ARHGAP6: variants seen among roughly 807,000 people sequenced by gnomAD.
ARHGAP6 encodes the protein rho GTPase-activating protein 6.
In ARHGAP6, 16 loss-of-function variants were observed where a neutral mutation model predicts 55.7. That is an observed-to-expected ratio of 0.29 (90% CI 0.19 to 0.44). The LOEUF is 0.44. Ranked by LOEUF, ARHGAP6 falls within the 20% of genes least tolerant of loss-of-function variation. ARHGAP6 has a pLI of 1.00. For synonymous variants in ARHGAP6, 382 were observed against 360.9 expected (o/e 1.06, Z -0.66); for missense variants, 698 against 808.9 (o/e 0.86, Z 1.66).
intron 1 of ARHGAP6, among the ~76,000 whole-genome samples, chrX:11,269,248 C>T (rs2047665563): frequency 9.0e-6 from 1 of 111,662 alleles, no homozygotes; most frequent in African/African-American, 3.3e-5. Context: ...TCCTCCTATA[C>T]TTCTCCCCAC....
chrX:11,141,605 C>A (rs2045619080), intron 12 of ARHGAP6, among the ~76,000 whole-genome samples: 2 of 111,737 alleles, frequency 1.8e-5, no homozygotes, highest in Non-Finnish European at 3.8e-5. Flanking sequence ...AAGTGAAAAC[C>A]CACTAACTTG....
At chrX:11,294,394 C>T (rs1032935328) in intron 1 of ARHGAP6, among the ~76,000 whole-genome samples, 7 of 112,335 alleles carry the variant, frequency 6.2e-5, no homozygotes, top group Non-Finnish European at 1.1e-4. Flanking sequence ...AAATACTGTG[C>T]ACTTTGATGA....
chrX:11,419,133 G>A (rs2049789690), intron 1 of ARHGAP6, among the ~76,000 whole-genome samples: 1 of 111,776 alleles, frequency 8.9e-6, no homozygotes, highest in Non-Finnish European at 1.9e-5. Flanking sequence ...TGGACACATT[G>A]CCAGGGTCCC....
intron 2 of ARHGAP6, among the ~76,000 whole-genome samples, chrX:11,243,179 T>C (rs1247177242): frequency 8.9e-6 from 1 of 111,908 alleles, no homozygotes; most frequent in Non-Finnish European, 1.9e-5. Flanking sequence ...AAGATGACAA[T>C]GTTCTTCCGT....
intron 1 of ARHGAP6, among the ~76,000 whole-genome samples, chrX:11,486,757 G>A (rs138874698): frequency 3.6e-5 from 4 of 111,909 alleles, no homozygotes; most frequent in African/African-American, 1.3e-4. Context: ...CCACACAGGG[G>A]AATGATGATG....
chrX:11,601,578 C>A (rs1038304246), intron 1 of ARHGAP6, among the ~76,000 whole-genome samples: 1 of 112,016 alleles, frequency 8.9e-6, no homozygotes, highest in African/African-American at 3.2e-5. Context: ...CAAATAAAAG[C>A]ATGCTATGGA....
chrX:11,570,648 G>T (rs7472994), intron 1 of ARHGAP6, among the ~76,000 whole-genome samples: 23,963 of 110,591 alleles, frequency 0.22, 1,993 homozygotes, highest in Middle Eastern at 0.35. Context: ...TCTTAGACTT[G>T]ATCCAGATCT....
At chrX:11,323,244 G>A (rs185699696) in intron 1 of ARHGAP6, among the ~76,000 whole-genome samples, 3 of 112,249 alleles carry the variant, frequency 2.7e-5, no homozygotes, top group South Asian at 3.7e-4. Context: ...AGTATGAGGG[G>A]ACTTCAAAAA....
At chrX:11,395,047 T>C (rs1305069587) in intron 1 of ARHGAP6, among the ~76,000 whole-genome samples, 5 of 112,345 alleles carry the variant, frequency 4.5e-5, no homozygotes, top group Non-Finnish European at 9.4e-5. Flanking sequence ...ATCAAACTAG[T>C]TGTCACAAAA....
At chrX:11,212,122 ATAT>A in intron 2 of ARHGAP6, among the ~76,000 whole-genome samples, 1 of 111,645 alleles carries the variant, frequency 9.0e-6, no homozygotes, top group East Asian at 2.8e-4. Context: ...CCGTTTTACT[ATAT>A]TATTAGAATA....
intron 1 of ARHGAP6, among the ~76,000 whole-genome samples, chrX:11,582,031 C>T (rs1222551446): frequency 8.9e-6 from 1 of 111,979 alleles, no homozygotes; most frequent in Non-Finnish European, 1.9e-5. Context: ...TGACACATTA[C>T]TTATTGAGCA....
chrX:11,224,328 G>T, intron 2 of ARHGAP6: 1 of 466,863 alleles, frequency 2.1e-6, no homozygotes, highest in Non-Finnish European at 2.8e-6. Flanking sequence ...AGAAGAAGGA[G>T]AAGAACTAAT....
chrX:11,391,045 C>A (rs1276214552), intron 1 of ARHGAP6, among the ~76,000 whole-genome samples: 4 of 111,914 alleles, frequency 3.6e-5, no homozygotes, highest in African/African-American at 1.3e-4. Flanking sequence ...TTCACAATAG[C>A]AAAGACTTGG....
At chrX:11,290,574 T>C (rs2047978350) in intron 1 of ARHGAP6, 1 of 272,250 alleles carries the variant, frequency 3.7e-6, no homozygotes, top group Non-Finnish European at 7.0e-6. Flanking sequence ...AAAAGCCAGC[T>C]TTGGCTCCAG....
At chrX:11,455,320 CAT>C (rs2147811790) in intron 1 of ARHGAP6, among the ~76,000 whole-genome samples, 1 of 111,941 alleles carries the variant, frequency 8.9e-6, no homozygotes, top group South Asian at 3.7e-4. Flanking sequence ...ATGACATAAA[CAT>C]AGACTCTTTG....
chrX:11,219,243 T>A (rs1418232857), intron 2 of ARHGAP6, among the ~76,000 whole-genome samples: 1 of 104,555 alleles, frequency 9.6e-6, no homozygotes, highest in Non-Finnish European at 2.0e-5. Flanking sequence ...CTGCATAGTA[T>A]TCCATGGTGT....
intron 1 of ARHGAP6, among the ~76,000 whole-genome samples, chrX:11,312,838 T>C (rs2048316402): frequency 9.0e-6 from 1 of 111,372 alleles, no homozygotes; most frequent in African/African-American, 3.3e-5. Flanking sequence ...GCATCCAAAA[T>C]AAATCAGGAA....
chrX:11,453,298 A>ATATATATAG (rs1179089100), intron 1 of ARHGAP6, among the ~76,000 whole-genome samples: 11 of 96,866 alleles, frequency 1.1e-4, no homozygotes, highest in African/African-American at 4.2e-4. Flanking sequence ...TATACATAAT[A>ATATATATAG]TATATATATA....
intron 9 of ARHGAP6, among the ~76,000 whole-genome samples, chrX:11,163,835 G>C (rs1307384516): frequency 9.0e-6 from 1 of 111,540 alleles, no homozygotes; most frequent in Non-Finnish European, 1.9e-5. Context: ...ACAGTGGAAG[G>C]GTCCAGGGCT....
Sources: gnomAD v4.1 joint callset for allele counts (sites outside exome capture counted in the v4.1 genomes callset) on GRCh38, gnomAD v4.1.1 for gene constraint, MANE v1.5 for transcripts, NCBI Gene and HGNC (gene_info 2026-07-23, HGNC 2026-07-21) for gene names.